Variants in HSP90B1 observed in about 807,000 individuals in gnomAD.
The protein encoded by HSP90B1 is endoplasmin.
A neutral mutation model predicts 100.4 loss-of-function variants in HSP90B1; 27 were observed. That is an observed-to-expected ratio of 0.27 (90% confidence interval 0.20 to 0.37). The LOEUF is 0.37. Ranked by LOEUF, HSP90B1 falls within the 10% of genes least tolerant of loss-of-function variation. The pLI, the probability that HSP90B1 is intolerant of heterozygous loss-of-function variation, is 1.00. For synonymous variants in HSP90B1, 304 were observed against 330.8 expected (o/e 0.92, Z 0.88); for missense variants, 678 against 960.5 (o/e 0.71, Z 3.89).
At position 103,947,037 on chromosome 12, in the gene HSP90B1, G is replaced by A. The variant is rs372289603; in HGVS notation, c.2262+96G>A. On this transcript the variant is annotated intron_variant, in intron 16 of 17. Coordinates refer to ENST00000299767, the MANE Select transcript of HSP90B1 (RefSeq NM_003299.3). Reference sequence around the variant, plus strand: ...TCATGATTGAGGGATGTAGCTTTGCGACATTTGCCTAATTTCTACCTTTTG... The same window carrying A: ...TCATGATTGAGGGATGTAGCTTTGCAACATTTGCCTAATTTCTACCTTTTG... 58 of 1,332,536 alleles carry A rather than the reference G, an allele frequency of 4.4e-5. No individual in the cohort carries two copies. The Middle Eastern group carries it at 1.1e-3, about 26-fold the overall frequency. The allele number at this position is 1,332,536 out of a possible 1,614,324, so 82.5% of individuals were successfully genotyped here.
Position 103,930,487 on chromosome 12 carries a change from G to A in HSP90B1, c.-29G>A. On this transcript the variant is annotated 5_prime_UTR_variant, in exon 1 of 18. Transcript: ENST00000299767. The surrounding 1 kb of genome is among the most constrained non-coding windows in gnomAD (Gnocchi z 4.4). ...GGTGGAGGCGGCTCCTGCGATCGAA[G>A]GGGACTTGAGACTCACCGGCCGCAC... The A allele has an allele frequency of 6.3e-7, 1 of 1,590,284 alleles. No homozygotes were observed. Among genetic ancestry groups the A allele is most frequent in the South Asian group, 1.1e-5 (1 of 88,768 alleles).
chr12:103,933,414 T>C (rs1206647378), intron 4 of HSP90B1, among the ~76,000 whole-genome samples: 1 of 152,252 alleles, frequency 6.6e-6, no homozygotes, highest in East Asian at 1.9e-4. Context: ...CATACTATTA[T>C]AATTAAAGGC....
In HSP90B1 at chr12:103,943,699, G is replaced by C. The variant is rs1458117851; in HGVS notation, c.1891-39G>C. 6.3e-7 allele frequency: 1 copy of C among 1,593,188 alleles called. No individual in the cohort carries two copies. The highest frequency in any genetic ancestry group is 8.6e-7 in the Non-Finnish European group (1 of 1,167,476). On this transcript the variant is annotated intron_variant, in intron 13 of 17. Coordinates refer to ENST00000299767, the MANE Select transcript of HSP90B1 (RefSeq NM_003299.3). The surrounding 1 kb of genome is among the most constrained non-coding windows in gnomAD (Gnocchi z 5.3). ...AGACAATTGCTCAATGACCTTACCT[G>C]TTGATATTAATTTATATGACTTGAT...
At chr12:103,935,660 C>T (rs752818270) in intron 5 of HSP90B1, among the ~76,000 whole-genome samples, 2 of 152,174 alleles carry the variant, frequency 1.3e-5, no homozygotes, top group Non-Finnish European at 2.9e-5. Context: ...GCCTTCGTCA[C>T]TAACATTGAT....
In HSP90B1 at chr12:103,947,729, G is replaced by A. The variant is rs2136218551; in HGVS notation, c.*67G>A. 7.3e-7 allele frequency: 1 copy of A among 1,374,206 alleles called. No homozygotes were observed. The highest frequency in any genetic ancestry group is 1.0e-6 in the Non-Finnish European group (1 of 961,962). 85.1% of individuals were successfully genotyped at this position (1,374,206 alleles called of 1,614,324 possible). On this transcript the variant is annotated 3_prime_UTR_variant, in exon 18 of 18. Coordinates refer to ENST00000299767, the MANE Select transcript of HSP90B1 (RefSeq NM_003299.3). ...TGAAATTTACATCATTTCTTTTTGGGAGAGACTTGTTTTGGATGCCCCCTA... is the reference window on the plus strand; with the variant it reads ...TGAAATTTACATCATTTCTTTTTGGAAGAGACTTGTTTTGGATGCCCCCTA...
At chr12:103,938,737 A>C (rs527811909) in intron 7 of HSP90B1, 1 of 181,380 alleles carries the variant, frequency 5.5e-6, no homozygotes, top group South Asian at 1.7e-4. Flanking sequence ...TAAAATCTTA[A>C]AAAGCCTTCT....
intron 14 of HSP90B1, among the ~76,000 whole-genome samples, chr12:103,945,006 T>G (rs1053934359): frequency 1.3e-5 from 2 of 152,252 alleles, no homozygotes; most frequent in African/African-American, 4.8e-5. Flanking sequence ...AAGGGCCATT[T>G]AAAACATGTC....
At chr12:103,932,166 A>G (rs1364729769) in intron 2 of HSP90B1, 111 bp from the exon 3 acceptor site, 1 of 830,238 alleles carries the variant, frequency 1.2e-6, no homozygotes, top group Non-Finnish European at 1.8e-6. Context: ...AAAGGTTTCC[A>G]TTTTAACCCC....
intron 5 of HSP90B1, among the ~76,000 whole-genome samples, chr12:103,936,902 G>T (rs1869936236): frequency 6.6e-6 from 1 of 152,092 alleles, no homozygotes; most frequent in South Asian, 2.1e-4. Flanking sequence ...TATTGGCCAG[G>T]TACCACTAAA....
chr12:103,944,607 A>C (rs1870174282), intron 14 of HSP90B1, among the ~76,000 whole-genome samples: 1 of 148,146 alleles, frequency 6.8e-6, no homozygotes, highest in Non-Finnish European at 1.5e-5. Context: ...CCCAGGCTGG[A>C]GTACAGTGGC....
chr12:103,939,636 A>ACCTT lies in HSP90B1; in HGVS notation c.1092+11_1092+12insCCTT. 1 of 1,232,152 alleles carries ACCTT rather than the reference A, an allele frequency of 8.1e-7. No individual in the cohort carries two copies. Among genetic ancestry groups the ACCTT allele is most frequent in the Non-Finnish European group, 1.1e-6 (1 of 871,870 alleles). The allele number at this position is 1,232,152 out of a possible 1,614,324, so 76.3% of individuals were successfully genotyped here. A position where few individuals can be genotyped will look rare whatever the true frequency, so the allele number is the denominator to read the frequency against. ...AAATCATTTTCAAAGGTAAATATTT[A>ACCTT]TAATTCCCTAGTTTCTGGTTATTAA... On this transcript the variant is annotated intron_variant, in intron 8 of 17. Coordinates refer to ENST00000299767, the MANE Select transcript of HSP90B1 (RefSeq NM_003299.3).
At position 103,942,510 on chromosome 12, in the gene HSP90B1, T is replaced by C. The variant is rs751835001; in HGVS notation, c.1375-17T>C. 3.7e-6 allele frequency: 6 copies of C among 1,610,026 alleles called. No homozygotes were observed. Among genetic ancestry groups the C allele is most frequent in the Non-Finnish European group, 5.1e-6 (6 of 1,176,898 alleles). On this transcript the variant is annotated splice_polypyrimidine_tract_variant and intron_variant, in intron 11 of 17. Coordinates refer to ENST00000299767, the MANE Select transcript of HSP90B1 (RefSeq NM_003299.3). ...GAGATTAACTTCTCTAATCAGTTAT[T>C]CTTTCATTGTGTTTAGGTGATTAGG...
In HSP90B1 at chr12:103,939,586, A is replaced by C. The variant is rs1178235071; in HGVS notation, c.1053A>C (p.Glu351Asp). Residue 351 changes from glutamate (E) to aspartate (D), a missense_variant, in exon 8 of 18, where the codon GAA becomes GAC. By Grantham distance (45) the Glu-to-Asp change is conservative. Transcript: ENST00000299767. ...GGCAGAGACCATCAAAAGAAGTAGA[A>C]GAAGATGAATACAAAGCTTTCTACA... ...PIWQRPSKEV[E>D]EDEYKAFYKS... The C allele has an allele frequency of 3.2e-6, 5 of 1,579,252 alleles. No homozygotes were observed. Among genetic ancestry groups the C allele is most frequent in the Non-Finnish European group, 8.6e-7 (1 of 1,159,072 alleles).
chr12:103,937,830 T>TTA, intron 6 of HSP90B1, 24 bp downstream of exon 6: 1 of 1,129,064 alleles, frequency 8.9e-7, no homozygotes, highest in Non-Finnish European at 1.3e-6. Flanking sequence ...GATTAAAAAC[T>TTA]TATATGTATT....
At chr12:103,939,692 A>G (rs924979763) in intron 8 of HSP90B1, 67 bp downstream of exon 8, 6 of 748,128 alleles carry the variant, frequency 8.0e-6, no homozygotes, top group East Asian at 2.8e-5. Flanking sequence ...CTCTTAGTTT[A>G]ATTGTATATG....
In HSP90B1 at chr12:103,946,930, C is replaced by A; in HGVS notation, c.2251C>A (p.Pro751Thr). The A allele has an allele frequency of 6.2e-7, 1 of 1,612,494 alleles. No homozygotes were observed. Among genetic ancestry groups the A allele is most frequent in the Non-Finnish European group, 8.5e-7 (1 of 1,179,576 alleles). The change falls in exon 16 of 18, where the codon CCT becomes ACT. Residue 751 changes from proline to threonine, a missense_variant. Pro to Thr is a conservative substitution (Grantham distance 38). Around this residue, in one of 8 missense-constraint regions of HSP90B1, gnomAD observed 65 missense variants for 65.1 expected, o/e 1.00. Transcript: ENST00000299767. ...RMLRLSLNID[P>T]DAKVEEEPEE... ...GCTTCGCCTCAGTTTGAACATTGAC[C>A]CTGATGCAAAGGTTTGTATCCCCAA...
chr12:103,942,961 A>T, intron 12 of HSP90B1, 113 bp from the exon 13 acceptor site: 1 of 1,468,806 alleles, frequency 6.8e-7, no homozygotes, highest in Non-Finnish European at 9.2e-7. Context: ...GAACCTCTTA[A>T]TTCTTCACCT....
intron 4 of HSP90B1, among the ~76,000 whole-genome samples, chr12:103,933,437 C>G (rs1465914286): frequency 6.6e-6 from 1 of 152,248 alleles, no homozygotes; most frequent in Non-Finnish European, 1.5e-5. Context: ...AGCCTGAAAA[C>G]AGAGCTCTCC....
intron 8 of HSP90B1, among the ~76,000 whole-genome samples, chr12:103,939,988 T>G (rs1319097609): frequency 1.4e-4 from 21 of 152,216 alleles, no homozygotes; most frequent in Non-Finnish European, 3.1e-4. Flanking sequence ...TAGTGAATAG[T>G]GAAACTACAA....
Sources: gnomAD v4.1 joint callset for allele counts (sites outside exome capture counted in the v4.1 genomes callset) on GRCh38, gnomAD v4.1.1 for gene constraint, gnomAD v4.1.1 regional missense constraint, Gnocchi (gnomAD v3.1) non-coding constraint, MANE v1.5 for transcripts, NCBI Gene and HGNC (gene_info 2026-07-23, HGNC 2026-07-21) for gene names.